GRIN2B: variants seen among roughly 807,000 people sequenced by gnomAD.
The protein encoded by GRIN2B is glutamate receptor ionotropic, NMDA 2B.
GRIN2B carries 5 observed loss-of-function variants against 114.5 expected under a neutral mutation model. That is an observed-to-expected ratio of 0.04 (90% CI 0.02 to 0.09). The LOEUF is 0.09. GRIN2B is among the 10% of genes least tolerant of loss of function. The pLI is 1.00. For missense variants in GRIN2B, 1,108 were observed against 1,943.5 expected (o/e 0.57, Z 8.08); for synonymous variants, 787 against 745.1 (o/e 1.06, Z -0.92).
chr12:13,965,557 CCACACA>C (rs138577851), intron 2 of GRIN2B, among the ~76,000 whole-genome samples: 2 of 150,176 alleles, frequency 1.3e-5, no homozygotes, highest in Admixed American at 6.6e-5. Context: ...AGATTACACA[CCACACA>C]CACACACACA....
At chr12:13,595,775 A>G (rs1343758037) in intron 10 of GRIN2B, among the ~76,000 whole-genome samples, 2 of 152,214 alleles carry the variant, frequency 1.3e-5, no homozygotes, top group Non-Finnish European at 2.9e-5. Context: ...GGCAGGTGAG[A>G]GCGCCTCTTG....
chr12:13,732,571 T>C (rs147109236), intron 4 of GRIN2B, among the ~76,000 whole-genome samples: 242 of 152,322 alleles, frequency 1.6e-3, no homozygotes, highest in African/African-American at 5.4e-3. Context: ...ATTTGAATTG[T>C]ACTATACCAA....
At chr12:13,949,517 G>A (rs772336156) in intron 2 of GRIN2B, among the ~76,000 whole-genome samples, 62 of 152,238 alleles carry the variant, frequency 4.1e-4, no homozygotes, top group Non-Finnish European at 7.4e-4. Flanking sequence ...CGTGGCATTC[G>A]GCAATCAGCT....
At chr12:13,867,204 G>A (rs914188049) in intron 2 of GRIN2B, among the ~76,000 whole-genome samples, 22 of 151,998 alleles carry the variant, frequency 1.4e-4, no homozygotes, top group Admixed American at 1.4e-3. Flanking sequence ...TCCTATAGTC[G>A]TGACTTCCCT....
chr12:13,820,596 T>C (rs1405363812), intron 3 of GRIN2B, among the ~76,000 whole-genome samples: 1 of 152,210 alleles, frequency 6.6e-6, no homozygotes, highest in Non-Finnish European at 1.5e-5. Flanking sequence ...GAGCTTGTTA[T>C]GGGAAGCAAC....
intron 3 of GRIN2B, among the ~76,000 whole-genome samples, chr12:13,788,247 AT>A (rs1421487702): frequency 6.6e-6 from 1 of 152,204 alleles, no homozygotes; most frequent in Admixed American, 6.5e-5. Context: ...AAGATGTTGA[AT>A]TGCGGGGACA....
At chr12:13,793,743 C>A (rs1330210191) in intron 3 of GRIN2B, among the ~76,000 whole-genome samples, 1 of 152,136 alleles carries the variant, frequency 6.6e-6, no homozygotes, top group African/African-American at 2.4e-5. Context: ...ATTTTGACCC[C>A]TTATCTGAAT....
chr12:13,815,415 C>T (rs1049583510), intron 3 of GRIN2B, among the ~76,000 whole-genome samples: 5 of 150,576 alleles, frequency 3.3e-5, no homozygotes, highest in Non-Finnish European at 7.4e-5. Flanking sequence ...GACACCGTAA[C>T]AACAAAACAA....
chr12:13,564,713 A>G lies in GRIN2B; in HGVS notation c.2599-74T>C. On this transcript the variant is annotated intron_variant, in intron 13 of 13. Transcript: ENST00000609686. The surrounding 1 kb of genome is among the most constrained non-coding windows in gnomAD (Gnocchi z 4.8). ...TGACCACAAAAAACACTCTCCCACCAATAATTGCTCCAACTGGATAAGAAA... is the reference window on the plus strand; with the variant it reads ...TGACCACAAAAAACACTCTCCCACCGATAATTGCTCCAACTGGATAAGAAA... The G allele has an allele frequency of 1.6e-6, 2 of 1,267,946 alleles. No individual in the cohort carries two copies. The highest frequency in any genetic ancestry group is 2.4e-5 in the South Asian group (2 of 84,014). 78.5% of individuals were successfully genotyped at this position (1,267,946 alleles called of 1,614,324 possible).
chr12:13,894,740 C>G (rs1212652076), intron 2 of GRIN2B, among the ~76,000 whole-genome samples: 1 of 152,036 alleles, frequency 6.6e-6, no homozygotes, highest in Non-Finnish European at 1.5e-5. Flanking sequence ...TGAAATGAGA[C>G]AGAGAAACAG....
chr12:13,674,511 CG>C (rs1565496108), intron 5 of GRIN2B, among the ~76,000 whole-genome samples: 1 of 152,068 alleles, frequency 6.6e-6, no homozygotes, highest in Non-Finnish European at 1.5e-5. Context: ...CCTAGTTTCT[CG>C]GGTGAGCATT....
chr12:13,775,700 C>G lies in GRIN2B; in HGVS notation c.412-21785G>C, dbSNP rs190815888. Among the ~76,000 whole-genome samples, 268 of 152,246 alleles carry G rather than the reference C, an allele frequency of 1.8e-3. 1 individual carries two copies. Among genetic ancestry groups the G allele is most frequent in the Admixed American group, 3.3e-3 (50 of 15,296 alleles). On this transcript the variant is annotated intron_variant, in intron 3 of 13. Coordinates refer to ENST00000609686, the MANE Select transcript of GRIN2B (RefSeq NM_000834.5). ...TCATAAGCAGTATATGAAAAGTGTA[C>G]CATGCCCCATAGTTAATAAATTCTT...
chr12:13,660,252 C>G (rs192214721), intron 5 of GRIN2B, among the ~76,000 whole-genome samples: 214 of 152,274 alleles, frequency 1.4e-3, no homozygotes, highest in African/African-American at 4.9e-3. Flanking sequence ...ATGAATAACA[C>G]GAAGTACAAT....
intron 5 of GRIN2B, among the ~76,000 whole-genome samples, chr12:13,640,916 G>T (rs1413320007): frequency 6.6e-6 from 1 of 152,042 alleles, no homozygotes; most frequent in Non-Finnish European, 1.5e-5. Context: ...ACCATTAGTT[G>T]TTACACCAGG....
intron 5 of GRIN2B, among the ~76,000 whole-genome samples, chr12:13,660,090 A>G (rs1426472847): frequency 6.6e-6 from 1 of 152,134 alleles, no homozygotes; most frequent in Non-Finnish European, 1.5e-5. Flanking sequence ...CTTCCCTTAG[A>G]GCAAGGGATG....
rs1321262025 is a variant in GRIN2B at position 13,539,982 on chromosome 12, A to C, written c.*22801T>G. The C allele has an allele frequency of 1.3e-5, 2 of 152,246 alleles. No individual in the cohort carries two copies. Among genetic ancestry groups the C allele is most frequent in the Non-Finnish European group, 2.9e-5 (2 of 68,044 alleles). The allele number at this position is 152,246 out of a possible 1,614,324, so 9.4% of individuals were successfully genotyped here. On this transcript the variant is annotated 3_prime_UTR_variant, in exon 14 of 14. Transcript: ENST00000609686. ...AAAAGAGATATATACTGTAATGTTT[A>C]CAGATGAAACCATATAATTATGGGA...
intron 2 of GRIN2B, among the ~76,000 whole-genome samples, chr12:13,951,907 A>G (rs1746060278): frequency 6.6e-6 from 1 of 152,140 alleles, no homozygotes; most frequent in Non-Finnish European, 1.5e-5. Context: ...AAGAGGGGAG[A>G]AAAAGAAAGA....
chr12:13,795,953 G>T (rs1171345986), intron 3 of GRIN2B, among the ~76,000 whole-genome samples: 2 of 151,850 alleles, frequency 1.3e-5, no homozygotes, highest in Admixed American at 1.3e-4. Flanking sequence ...GATGGGGGAG[G>T]GATAACATTA....
chr12:13,550,100 A>G lies in GRIN2B; in HGVS notation c.*12683T>C, dbSNP rs953611543. On this transcript the variant is annotated 3_prime_UTR_variant, in exon 14 of 14. Transcript: ENST00000609686. ...AATCTTACTTTTGGCTAATTATCCA[A>G]TTTTGTGCTTTGACTTCTCATCTGT... is the stretch of plus-strand genomic sequence containing the variant. The G allele has an allele frequency of 6.6e-6, 1 of 152,188 alleles. No individual in the cohort carries two copies. The highest frequency in any genetic ancestry group is 6.5e-5 in the Admixed American group (1 of 15,282). The allele number at this position is 152,188 out of a possible 1,614,324, so 9.4% of individuals were successfully genotyped here.
Sources: gnomAD v4.1 joint callset for allele counts (sites outside exome capture counted in the v4.1 genomes callset) on GRCh38, gnomAD v4.1.1 for gene constraint, Gnocchi (gnomAD v3.1) non-coding constraint, MANE v1.5 for transcripts, NCBI Gene and HGNC (gene_info 2026-07-23, HGNC 2026-07-21) for gene names.